SCAP: variants seen among roughly 807,000 people sequenced by gnomAD.
The protein encoded by SCAP is SREBF chaperone, also known as sterol regulatory element-binding protein cleavage-activating protein.
A neutral mutation model predicts 123.6 loss-of-function variants in SCAP; 65 were observed. That is an observed-to-expected ratio of 0.53 (90% CI 0.43 to 0.65). SCAP has a LOEUF of 0.65. Among genes scored for constraint, SCAP ranks in the 30% least tolerant of loss-of-function variants. The pLI, the probability that SCAP is intolerant of heterozygous loss-of-function variation, is 0.00. For synonymous variants in SCAP, 740 were observed against 726.3 expected (o/e 1.02, Z -0.30); for missense variants, 1,398 against 1,712.5 (o/e 0.82, Z 3.24).
intron 1 of SCAP, among the ~76,000 whole-genome samples, chr3:47,463,021 AT>A (rs2108001605): frequency 6.6e-6 from 1 of 152,106 alleles, no homozygotes; most frequent in Non-Finnish European, 1.5e-5. Flanking sequence ...TAAGCTCCTT[AT>A]TTACACTATT....
At chr3:47,433,783 G>A (rs183247112) in intron 3 of SCAP, among the ~76,000 whole-genome samples, 1 of 152,148 alleles carries the variant, frequency 6.6e-6, no homozygotes, top group Admixed American at 6.5e-5. Context: ...CAGGAGAATC[G>A]CTTTCAACCC....
chr3:47,472,764 C>A (rs1203725257), intron 1 of SCAP, among the ~76,000 whole-genome samples: 1 of 152,022 alleles, frequency 6.6e-6, no homozygotes. Context: ...TCTTCCACTA[C>A]CCTTACCTGC....
In SCAP at chr3:47,418,664, G is replaced by C. The variant is rs867345228; in HGVS notation, c.2120C>G (p.Thr707Arg). ...CACCCAGCAGCCTTACTTGTACAGC[G>C]TGACGTCTCCATGGGCCTGCACCCC... ...PGGVQAHGDV[T>R]LYKVAALGLA... is the part of the protein sequence containing the mutation. The change falls in exon 14 of 23, where the codon ACG (threonine) becomes AGG (arginine). Residue 707 changes from threonine to arginine, a missense_variant. This residue lies in a region of SCAP where 828 missense variants were observed against 882.5 expected (regional missense o/e 0.94). Coordinates refer to ENST00000265565, the MANE Select transcript of SCAP (RefSeq NM_012235.4). The C allele has an allele frequency of 1.5e-6, 2 of 1,368,814 alleles. No individual in the cohort carries two copies. The highest frequency in any genetic ancestry group is 2.0e-6 in the Non-Finnish European group (2 of 1,017,662). 84.8% of individuals were successfully genotyped at this position (1,368,814 alleles called of 1,614,324 possible). A position where few individuals can be genotyped will look rare whatever the true frequency, so the allele number is the denominator to read the frequency against.
upstream of SCAP, chr3:47,476,092 CG>C (rs1486997346): frequency 6.6e-6 from 1 of 151,588 alleles, no homozygotes; most frequent in Non-Finnish European, 1.5e-5. Flanking sequence ...ACGGCCGGGC[CG>C]GGCCGGGCCG....
intron 1 of SCAP, among the ~76,000 whole-genome samples, chr3:47,460,609 G>A (rs895354416): frequency 1.3e-5 from 2 of 152,240 alleles, no homozygotes; most frequent in African/African-American, 4.8e-5. Flanking sequence ...CTGAAGTGCA[G>A]TGGCACAATC....
chr3:47,430,763 C>G (rs1367044808), intron 3 of SCAP, among the ~76,000 whole-genome samples: 2 of 152,194 alleles, frequency 1.3e-5, no homozygotes, highest in Non-Finnish European at 2.9e-5. Context: ...CAGCGGTGTA[C>G]TGCGAGGTGT....
chr3:47,472,683 T>C (rs977270972), intron 1 of SCAP, among the ~76,000 whole-genome samples: 23 of 152,088 alleles, frequency 1.5e-4, no homozygotes, highest in Admixed American at 2.6e-4. Context: ...TGCTGTCACC[T>C]TCTTGCTGAG....
chr3:47,427,476 T>C lies in SCAP; in HGVS notation c.602A>G (p.Lys201Arg). ...IIGTIHQHEP[K>R]TLQTSATLKD... is the part of the protein sequence containing the mutation. ...GAGTGTGGCTGAAGTCTGCAGGGTT[T>C]TAGGCTCGTGCTGGTGGATGGTCCC... Residue 201 changes from lysine (K) to arginine (R), a missense_variant, in exon 5 of 23, where the codon AAA (lysine) becomes AGA (arginine). Lys to Arg is a conservative substitution (Grantham distance 26). This residue lies in a region of SCAP where 319 missense variants were observed against 432.4 expected (regional missense o/e 0.74). Coordinates refer to ENST00000265565, the MANE Select transcript of SCAP (RefSeq NM_012235.4). 1 of 1,614,190 alleles carries C rather than the reference T, an allele frequency of 6.2e-7. No individual in the cohort carries two copies. Among genetic ancestry groups the C allele is most frequent in the East Asian group, 2.2e-5 (1 of 44,880 alleles).
At position 47,475,161 on chromosome 3, in the gene SCAP, GC is replaced by G. The variant is rs201957604; in HGVS notation, c.-99+637del. Among the ~76,000 whole-genome samples the G allele has an allele frequency of 5.3e-5, 8 of 150,858 alleles. No individual in the cohort carries two copies. In the South Asian group the frequency reaches 1.3e-3, roughly 24 times the overall value. On this transcript the variant is annotated intron_variant, in intron 1 of 22. Transcript: ENST00000265565. ...GCCAGAGCCCCCACAGCGACTCACT[GC>G]CCCCCCCTCCGCATTCCCATCTGCA... is the stretch of plus-strand genomic sequence containing the variant.
intron 1 of SCAP, among the ~76,000 whole-genome samples, chr3:47,454,796 C>T (rs1484045353): frequency 2.0e-5 from 3 of 151,452 alleles, no homozygotes; most frequent in Non-Finnish European, 4.4e-5. Context: ...TAAATACAGA[C>T]TTCAACTAAA....
intron 1 of SCAP, among the ~76,000 whole-genome samples, chr3:47,463,120 TG>T (rs1368497683): frequency 3.9e-5 from 6 of 152,314 alleles, no homozygotes; most frequent in Admixed American, 3.9e-4. Context: ...CCACAGTAGC[TG>T]TTCTTTCCCA....
In SCAP at chr3:47,434,280, C is replaced by T. The variant is rs570735558; in HGVS notation, c.252+728G>A. ...AACAACAGATTCAGCAAGTCCAGCA[C>T]GAATCCAGGGACCACAGAACAACAC... On this transcript the variant is annotated intron_variant, in intron 3 of 22. Transcript: ENST00000265565. Among the ~76,000 whole-genome samples, 15 of 152,298 alleles carry T rather than the reference C, an allele frequency of 9.8e-5. No homozygotes were observed. The South Asian group carries it at 3.1e-3, about 32-fold the overall frequency.
intron 1 of SCAP, among the ~76,000 whole-genome samples, chr3:47,459,816 C>T (rs779126341): frequency 5.9e-5 from 9 of 152,232 alleles, no homozygotes; most frequent in East Asian, 1.9e-4. Context: ...AGCAGAGAAC[C>T]GGTCTGACCT....
chr3:47,434,732 G>A (rs1180397276), intron 3 of SCAP: 2 of 306,984 alleles, frequency 6.5e-6, no homozygotes, highest in Non-Finnish European at 1.2e-5. Context: ...AGCTAATCGG[G>A]AGGCTGAGGC....
Position 47,461,670 on chromosome 3 carries a change from C to T in SCAP, c.-99+14129G>A, listed in dbSNP as rs912309030. On this transcript the variant is annotated intron_variant, in intron 1 of 22. Coordinates refer to ENST00000265565, the MANE Select transcript of SCAP (RefSeq NM_012235.4). ...AACACTCTGGTTCCAACTCCCAGCCCGGGGAACATTTCCATGACAGAGTTG... is the reference window on the plus strand; with the variant it reads ...AACACTCTGGTTCCAACTCCCAGCCTGGGGAACATTTCCATGACAGAGTTG... 6.6e-5 allele frequency among the ~76,000 whole-genome samples: 10 copies of T among 152,246 alleles called. No individual in the cohort carries two copies. The East Asian group carries it at 9.6e-4, about 15-fold the overall frequency.
chr3:47,466,929 T>A (rs1360708747), intron 1 of SCAP, among the ~76,000 whole-genome samples: 3 of 150,586 alleles, frequency 2.0e-5, no homozygotes, highest in African/African-American at 4.9e-5. Context: ...TAAAAAAAAA[T>A]AAATACAAAA....
Position 47,425,622 on chromosome 3 carries a change from G to A in SCAP, c.911-11C>T. 1 of 1,613,748 alleles carries A rather than the reference G, an allele frequency of 6.2e-7. No homozygotes were observed. Among genetic ancestry groups the A allele is most frequent in the Non-Finnish European group, 8.5e-7 (1 of 1,179,982 alleles). Reference sequence around the variant, plus strand: ...CCATGTCGATCTTCCCTGGAGGGCAGAGAGGGCGTATCAGGGCGGCCCCTC... The same window carrying A: ...CCATGTCGATCTTCCCTGGAGGGCAAAGAGGGCGTATCAGGGCGGCCCCTC... On this transcript the variant is annotated splice_polypyrimidine_tract_variant and intron_variant, in intron 7 of 22. Coordinates refer to ENST00000265565, the MANE Select transcript of SCAP (RefSeq NM_012235.4).
chr3:47,472,777 A>G (rs1708080204), intron 1 of SCAP, among the ~76,000 whole-genome samples: 2 of 151,980 alleles, frequency 1.3e-5, no homozygotes, highest in East Asian at 3.9e-4. Flanking sequence ...TTACCTGCCA[A>G]TGAGCAACAG....
chr3:47,473,903 A>C (rs775360696), intron 1 of SCAP, among the ~76,000 whole-genome samples: 20 of 152,184 alleles, frequency 1.3e-4, no homozygotes, highest in Admixed American at 6.5e-4. Flanking sequence ...AGGGCCCCAA[A>C]CCAGTGATTA....
Sources: gnomAD v4.1 joint callset for allele counts (sites outside exome capture counted in the v4.1 genomes callset) on GRCh38, gnomAD v4.1.1 for gene constraint, gnomAD v4.1.1 regional missense constraint, MANE v1.5 for transcripts, NCBI Gene and HGNC (gene_info 2026-07-23, HGNC 2026-07-21) for gene names.